The following XKR9 variants were observed in gnomAD, a reference collection of about 807,000 sequenced individuals.
XKR9 encodes XK-related protein 9.
A neutral mutation model predicts 32.0 loss-of-function variants in XKR9; 32 were observed. The ratio of observed to expected loss-of-function variants is 1.00; its 90% CI spans 0.76 to 1.34. XKR9 has a LOEUF of 1.34. XKR9 is among the 40% of genes most tolerant of loss of function. The probability of loss-of-function intolerance (pLI) is 0.00; values close to 1 mark genes in which losing one functional copy is unlikely to be tolerated. For missense variants in XKR9, 546 were observed against 429.7 expected (o/e 1.27, Z -2.39); for synonymous variants, 168 against 143.4 (o/e 1.17, Z -1.22).
chr8:70,748,794 TTGCCCATGGC>T (rs1807094123), intron 2 of XKR9, among the ~76,000 whole-genome samples: 1 of 152,226 alleles, frequency 6.6e-6, no homozygotes, highest in Admixed American at 6.5e-5. Context: ...TTTTCCAGGC[TTGCCCATGGC>T]TGCCCATGGA....
At chr8:70,792,311 C>A (rs1199635717), downstream of XKR9, among the ~76,000 whole-genome samples, 1 of 152,050 alleles carries the variant, frequency 6.6e-6, no homozygotes, top group South Asian at 2.1e-4. Context: ...ATCATTACAA[C>A]AGTGGGGAAA....
At chr8:70,890,742 A>G in the XKR9 span, among the ~76,000 whole-genome samples, 1 of 151,816 alleles carries the variant, frequency 6.6e-6, no homozygotes, top group African/African-American at 2.4e-5. Context: ...ATCATCAGGG[A>G]TATTGTCCTA....
rs764124434 is a variant in XKR9 at position 70,681,076 on chromosome 8, G to T, written c.18G>T (p.Gln6His). The change falls in exon 3 of 5, where the codon CAG (glutamine) becomes CAT (histidine). Residue 6 changes from glutamine to histidine, a missense_variant. Physicochemically the swap from Gln to His is conservative, Grantham distance 24 (BLOSUM62 0). Coordinates refer to ENST00000408926, the MANE Select transcript of XKR9 (RefSeq NM_001011720.2). ...CATTCGTAATGAAATATACTAAACA[G>T]AATTTTATGATGTCAGTTCTTGGCA... MKYTK[Q>H]NFMMSVLGII... is the part of the protein sequence containing the mutation. 5.0e-6 allele frequency: 8 copies of T among 1,611,994 alleles called. No homozygotes were observed. Among genetic ancestry groups the T allele is most frequent in the Non-Finnish European group, 6.8e-6 (8 of 1,178,852 alleles).
At chr8:70,956,539 G>A in the XKR9 span, among the ~76,000 whole-genome samples, 1 of 152,114 alleles carries the variant, frequency 6.6e-6, no homozygotes, top group African/African-American at 2.4e-5. Flanking sequence ...ATTTCACTGG[G>A]GACCTTCCCC....
the XKR9 span, among the ~76,000 whole-genome samples, chr8:70,898,028 T>C: frequency 6.6e-6 from 1 of 152,206 alleles, no homozygotes; most frequent in Non-Finnish European, 1.5e-5. Context: ...TTTCTTTCAG[T>C]AGTTTCATAG....
the XKR9 span, among the ~76,000 whole-genome samples, chr8:70,993,110 A>C: frequency 6.6e-6 from 1 of 152,192 alleles, no homozygotes; most frequent in African/African-American, 2.4e-5. Flanking sequence ...GCGTGGCTTC[A>C]GCTTTCCTGA....
the XKR9 span, among the ~76,000 whole-genome samples, chr8:70,848,109 A>T: frequency 6.6e-6 from 1 of 152,084 alleles, no homozygotes; most frequent in African/African-American, 2.4e-5. Flanking sequence ...CATTAAAAAG[A>T]TCATTCACCA....
At chr8:70,992,381 T>C in the XKR9 span, among the ~76,000 whole-genome samples, 1 of 152,194 alleles carries the variant, frequency 6.6e-6, no homozygotes. Context: ...TACCTGTTCT[T>C]AGTCTTTAAA....
chr8:70,867,991 C>A, the XKR9 span, among the ~76,000 whole-genome samples: 1 of 152,204 alleles, frequency 6.6e-6, no homozygotes, highest in African/African-American at 2.4e-5. Context: ...GCAGGGCAGT[C>A]AAATCTTAAA....
the XKR9 span, among the ~76,000 whole-genome samples, chr8:71,010,294 C>A: frequency 6.6e-6 from 1 of 152,152 alleles, no homozygotes; most frequent in Admixed American, 6.5e-5. Flanking sequence ...CTGAGCAATT[C>A]CACCTTTGGA....
rs77349145 is a variant in XKR9, at chr8:70,714,282, A to C, written c.493+7129A>C. ...TATGAATTTTGGGGATACGCAATAC[A>C]GTCCATAAAAGATATTAATGTAAAT... On this transcript the variant is annotated intron_variant, in intron 4 of 4. Transcript: ENST00000408926. 6.1e-4 allele frequency among the ~76,000 whole-genome samples: 93 copies of C among 152,296 alleles called. No individual in the cohort carries two copies. The East Asian group carries it at 0.017, about 28-fold the overall frequency.
At chr8:70,779,255 A>G (rs968693416) in intron 2 of XKR9, among the ~76,000 whole-genome samples, 1 of 152,030 alleles carries the variant, frequency 6.6e-6, no homozygotes, top group Non-Finnish European at 1.5e-5. Context: ...GATTATGTTT[A>G]TTGCTTTGTG....
the XKR9 span, among the ~76,000 whole-genome samples, chr8:70,828,490 C>A: frequency 6.6e-6 from 1 of 151,752 alleles, no homozygotes; most frequent in Non-Finnish European, 1.5e-5. Flanking sequence ...CTTTGGGAGG[C>A]CGAGGCGGGC....
chr8:70,899,342 T>G, the XKR9 span, among the ~76,000 whole-genome samples: 2 of 152,142 alleles, frequency 1.3e-5, no homozygotes, highest in African/African-American at 4.8e-5. Flanking sequence ...TTTAGTGACT[T>G]TAATGAGAAA....
the XKR9 span, among the ~76,000 whole-genome samples, chr8:71,027,207 G>A: frequency 4.6e-5 from 7 of 151,646 alleles, no homozygotes; most frequent in Admixed American, 3.3e-4. Flanking sequence ...GATTCTTAAG[G>A]TAATCAAAGA....
chr8:70,771,483 A>G (rs1807452872), intron 2 of XKR9, among the ~76,000 whole-genome samples: 1 of 152,224 alleles, frequency 6.6e-6, no homozygotes, highest in African/African-American at 2.4e-5. Flanking sequence ...TAATGGGGCA[A>G]CAACACTGAT....
At chr8:70,776,919 T>TCTCTCTCTCTCTCTCTCTCTCTCTC (rs1466163794) in intron 2 of XKR9, among the ~76,000 whole-genome samples, 10 of 70,466 alleles carry the variant, frequency 1.4e-4, no homozygotes, top group Non-Finnish European at 2.0e-4. Context: ...GGTTTTCTCT[T>TCTCTCTCTCTCTCTCTCTCTCTCTC]TCTTTCTCTC....
the XKR9 span, among the ~76,000 whole-genome samples, chr8:70,895,632 CTTA>C: frequency 2.0e-5 from 3 of 152,048 alleles, no homozygotes; most frequent in Non-Finnish European, 4.4e-5. Context: ...TTCACCATTA[CTTA>C]TTATGATGTT....
intron 3 of XKR9, among the ~76,000 whole-genome samples, chr8:70,683,361 A>T (rs1819149861): frequency 6.6e-6 from 1 of 152,024 alleles, no homozygotes; most frequent in Non-Finnish European, 1.5e-5. Flanking sequence ...ATCCCACTAG[A>T]TATTATTATG....
Sources: allele counts gnomAD v4.1 joint callset (sites outside exome capture counted in the v4.1 genomes callset), GRCh38; gene constraint gnomAD v4.1.1; transcripts MANE v1.5; gene names NCBI Gene and HGNC (gene_info 2026-07-23, HGNC 2026-07-21).